MAP3K1: variants seen among roughly 807,000 people sequenced by gnomAD.
The protein encoded by MAP3K1 is MAP/ERK kinase kinase 1.
A neutral mutation model predicts 144.2 loss-of-function variants in MAP3K1; 36 were observed. That is an observed-to-expected ratio of 0.25 (90% CI 0.19 to 0.33). The LOEUF (loss-of-function observed/expected upper bound fraction) is 0.33. Ranked by LOEUF, MAP3K1 falls within the 10% of genes least tolerant of loss-of-function variation. MAP3K1 has a pLI of 1.00. For synonymous variants in MAP3K1, 718 were observed against 688.7 expected (o/e 1.04, Z -0.67); for missense variants, 1,650 against 1,881.9 (o/e 0.88, Z 2.28).
chr5:56,882,544 C>T lies in MAP3K1; in HGVS notation c.3344C>T (p.Pro1115Leu). Residue 1115 changes from proline to leucine, a missense_variant, in exon 14 of 20, where the codon CCA (proline) becomes CTA (leucine). Coordinates refer to ENST00000399503, the MANE Select transcript of MAP3K1 (RefSeq NM_005921.2). The stretch of plus-strand genomic sequence containing the variant: ...CCCAGTGACGAGACAGTGTTCACCC[C>T]AGTAGAGGAGAAATGCAGATTAGAT... The part of the protein sequence containing the change: ...VIPSDETVFT[P>L]VEEKCRLDVN... 6.2e-7 allele frequency: 1 copy of T among 1,614,052 alleles called. No homozygotes were observed. Among genetic ancestry groups the T allele is most frequent in the South Asian group, 1.1e-5 (1 of 91,066 alleles).
chr5:56,880,277 A>G (rs1748165390), intron 11 of MAP3K1, among the ~76,000 whole-genome samples: 1 of 152,184 alleles, frequency 6.6e-6, no homozygotes, highest in Non-Finnish European at 1.5e-5. Flanking sequence ...AATACTGTAG[A>G]GAGATTTTAT....
chr5:56,824,504 G>A (rs1471061677), intron 1 of MAP3K1, among the ~76,000 whole-genome samples: 2 of 152,228 alleles, frequency 1.3e-5, no homozygotes, highest in South Asian at 4.1e-4. Flanking sequence ...ACACCTGACA[G>A]TGAGAGGAGA....
At chr5:56,860,068 T>C (rs1403709407) in intron 3 of MAP3K1, among the ~76,000 whole-genome samples, 153 bp downstream of exon 3, 1 of 152,148 alleles carries the variant, frequency 6.6e-6, no homozygotes, top group African/African-American at 2.4e-5. Flanking sequence ...CTGAGACCCT[T>C]TCTGGGGTCT....
At position 56,882,646 on chromosome 5, in the gene MAP3K1, T is replaced by C; in HGVS notation, c.3446T>C (p.Phe1149Ser). ...CCTTCAAGTGATACAACAGTAACTT[T>C]TAAGTCAGAAGTTGCTGTCCTGTCT... ...SMPSSDTTVT[F>S]KSEVAVLSPE... is the part of the protein sequence containing the mutation. The change falls in exon 14 of 20, where the codon TTT becomes TCT. Residue 1149 changes from phenylalanine (F) to serine (S), a missense_variant. By Grantham distance (155) the Phe-to-Ser change is radical. Transcript: ENST00000399503. 6.2e-7 allele frequency: 1 copy of C among 1,614,046 alleles called. No homozygotes were observed. The highest frequency in any genetic ancestry group is 8.5e-7 in the Non-Finnish European group (1 of 1,179,926).
intron 1 of MAP3K1, among the ~76,000 whole-genome samples, chr5:56,816,706 C>T (rs1745985560): frequency 6.6e-6 from 1 of 152,192 alleles, no homozygotes; most frequent in South Asian, 2.1e-4. Flanking sequence ...TCGGTAACGC[C>T]TGTCAAAGCC....
At chr5:56,842,693 CTAT>C (rs1186118229) in intron 1 of MAP3K1, among the ~76,000 whole-genome samples, 2 of 152,078 alleles carry the variant, frequency 1.3e-5, no homozygotes, top group Admixed American at 6.6e-5. Flanking sequence ...TAAGTATTAG[CTAT>C]TATTATTATC....
At chr5:56,861,559 T>G (rs1256227372) in intron 3 of MAP3K1, among the ~76,000 whole-genome samples, 2 of 111,350 alleles carry the variant, frequency 1.8e-5, no homozygotes, top group Non-Finnish European at 3.4e-5. Flanking sequence ...GGCGACAGAG[T>G]GAGACTCCTA....
At chr5:56,818,174 T>C (rs1746039364) in intron 1 of MAP3K1, among the ~76,000 whole-genome samples, 1 of 152,192 alleles carries the variant, frequency 6.6e-6, no homozygotes. Flanking sequence ...TCTTAACAAT[T>C]GGGTTGAAAT....
chr5:56,879,169 C>T (rs1176264940), intron 11 of MAP3K1, 68 bp downstream of exon 11: 29 of 1,550,816 alleles, frequency 1.9e-5, no homozygotes, highest in Non-Finnish European at 2.6e-5. Context: ...AAGCCTCACA[C>T]CTAGTGTGAA....
rs1338436365 is a variant in MAP3K1 at position 56,868,884 on chromosome 5, AAAGG to A, written c.1301+2915_1301+2918del. Among the ~76,000 whole-genome samples, 18 of 152,262 alleles carry A rather than the reference AAAGG, an allele frequency of 1.2e-4. No individual in the cohort carries two copies. The South Asian group carries it at 2.9e-3, about 25-fold the overall frequency. On this transcript the variant is annotated intron_variant, in intron 6 of 19. Coordinates refer to ENST00000399503, the MANE Select transcript of MAP3K1 (RefSeq NM_005921.2). Reference sequence around the variant, plus strand: ...ATAGTGGAATATTACTCAGCTTTACAAAGGAAGGAAGTGTGCTACAACATGGATG... The same window carrying A: ...ATAGTGGAATATTACTCAGCTTTACAAAGGAAGTGTGCTACAACATGGATG...
At chr5:56,875,352 G>C in intron 10 of MAP3K1, 42 bp downstream of exon 10, 3 of 1,606,936 alleles carry the variant, frequency 1.9e-6, no homozygotes, top group Non-Finnish European at 2.6e-6. Context: ...ATGGGTTTGG[G>C]GTTTTTTGAT....
intron 1 of MAP3K1, among the ~76,000 whole-genome samples, chr5:56,838,964 TG>T (rs765641294): frequency 2.3e-4 from 35 of 152,094 alleles, no homozygotes; most frequent in Non-Finnish European, 4.0e-4. Context: ...AAAAAATAAT[TG>T]AAGGGGATTG....
At chr5:56,885,852 G>A in intron 16 of MAP3K1, 80 bp from the exon 17 acceptor site, 1 of 1,244,734 alleles carries the variant, frequency 8.0e-7, no homozygotes, top group Non-Finnish European at 1.2e-6. Context: ...TTCATGCAGT[G>A]AAAACTTTAG....
At position 56,816,067 on chromosome 5, in the gene MAP3K1, G is replaced by C; in HGVS notation, c.482+12G>C. On this transcript the variant is annotated intron_variant, in intron 1 of 19. Transcript: ENST00000399503. Reference sequence around the variant, plus strand: ...GCGGCCCCCGCCGGGTGAGCAGCACGGCCGGGGTCGCGGCGGGGACTTGGA... The same window carrying C: ...GCGGCCCCCGCCGGGTGAGCAGCACCGCCGGGGTCGCGGCGGGGACTTGGA... 1.7e-6 allele frequency: 2 copies of C among 1,208,940 alleles called. No individual in the cohort carries two copies. The highest frequency in any genetic ancestry group is 4.2e-5 in the South Asian group (1 of 23,860). The allele number at this position is 1,208,940 out of a possible 1,614,324, so 74.9% of individuals were successfully genotyped here. A position where few individuals can be genotyped will look rare whatever the true frequency, so the allele number is the denominator to read the frequency against.
In MAP3K1 at chr5:56,864,865, A is replaced by G. The variant is rs1365512825; in HGVS notation, c.966A>G (p.Ile322Met). ...MRARLYLLQQIGPNSFLIGGD... is the reference protein window; with the variant it reads ...MRARLYLLQQMGPNSFLIGGD... ...CCAGACTGTACTTACTGCAGCAGATAGGGCCTAACTCTTTCCTGATTGGAG... is the reference window on the plus strand; with the variant it reads ...CCAGACTGTACTTACTGCAGCAGATGGGGCCTAACTCTTTCCTGATTGGAG... Residue 322 changes from isoleucine (I) to methionine (M), a missense_variant, in exon 4 of 20, where the codon ATA (isoleucine) becomes ATG (methionine). Around this residue, in one of 6 missense-constraint regions of MAP3K1, gnomAD observed 11 missense variants for 40.6 expected, o/e 0.27. Coordinates refer to ENST00000399503, the MANE Select transcript of MAP3K1 (RefSeq NM_005921.2). 6.2e-7 allele frequency: 1 copy of G among 1,614,102 alleles called. No homozygotes were observed. The highest frequency in any genetic ancestry group is 8.5e-7 in the Non-Finnish European group (1 of 1,179,998).
At chr5:56,849,952 T>C (rs185843704) in intron 1 of MAP3K1, among the ~76,000 whole-genome samples, 1 of 152,374 alleles carries the variant, frequency 6.6e-6, no homozygotes, top group East Asian at 1.9e-4. Context: ...CCATATCCTT[T>C]GTCTCATCTG....
intron 1 of MAP3K1, among the ~76,000 whole-genome samples, chr5:56,827,442 A>G (rs1421954942): frequency 1.3e-5 from 2 of 152,196 alleles, no homozygotes; most frequent in South Asian, 2.1e-4. Flanking sequence ...CAGTAGCTCC[A>G]TGTAGTTTCA....
At chr5:56,829,349 ATTTTTT>A (rs70999027) in intron 1 of MAP3K1, among the ~76,000 whole-genome samples, 40 of 130,342 alleles carry the variant, frequency 3.1e-4, no homozygotes, top group South Asian at 1.5e-3. Flanking sequence ...TGCCCGGCAA[ATTTTTT>A]TTTTTTTTTT....
chr5:56,832,558 C>A (rs1204385033), intron 1 of MAP3K1, among the ~76,000 whole-genome samples: 1 of 152,188 alleles, frequency 6.6e-6, no homozygotes, highest in African/African-American at 2.4e-5. Flanking sequence ...GGTATCCTGG[C>A]AAGGTGGTAG....
Sources: allele counts gnomAD v4.1 joint callset (sites outside exome capture counted in the v4.1 genomes callset), GRCh38; gene constraint gnomAD v4.1.1; regional missense constraint gnomAD v4.1.1; transcripts MANE v1.5; gene names NCBI Gene and HGNC (gene_info 2026-07-23, HGNC 2026-07-21).